The following FOXP2 variants were observed in gnomAD, a reference collection of about 807,000 sequenced individuals.
FOXP2 encodes forkhead box P2.
Under a neutral mutation model 115.8 loss-of-function variants are expected in FOXP2, and 12 were observed. The ratio of observed to expected loss-of-function variants is 0.10; its 90% CI spans 0.07 to 0.17. FOXP2 has a LOEUF of 0.17. Among genes scored for constraint, FOXP2 ranks in the 10% least tolerant of loss-of-function variants. The pLI, the probability that FOXP2 is intolerant of heterozygous loss-of-function variation, is 1.00. For synonymous variants in FOXP2, 328 were observed against 297.7 expected, an observed-to-expected ratio of 1.10 and a Z score of -1.05; for missense variants, 629 against 843.5, an observed-to-expected ratio of 0.75 and a Z score of 3.15.
At chr7:114,337,872 C>G (rs1043311698) in intron 2 of FOXP2, among the ~76,000 whole-genome samples, 1 of 151,160 alleles carries the variant, frequency 6.6e-6, no homozygotes, top group Middle Eastern at 3.5e-3. Flanking sequence ...CAAGGAAGTC[C>G]ACACTCTTTC....
intron 6 of FOXP2, among the ~76,000 whole-genome samples, chr7:114,634,241 C>G (rs1277940722): frequency 6.6e-6 from 1 of 152,114 alleles, no homozygotes; most frequent in African/African-American, 2.4e-5. Flanking sequence ...AGTGATCCGC[C>G]TGCCTCGGCC....
chr7:114,176,980 T>C (rs895309384), intron 1 of FOXP2, among the ~76,000 whole-genome samples: 1 of 152,170 alleles, frequency 6.6e-6, no homozygotes, highest in African/African-American at 2.4e-5. Context: ...GGGCTTTTTT[T>C]CTCAATATTA....
chr7:114,652,145 C>G, intron 8 of FOXP2, 58 bp from the exon 9 acceptor site: 1 of 1,504,648 alleles, frequency 6.6e-7, no homozygotes, highest in Non-Finnish European at 9.2e-7. Context: ...TAAGTGTAGC[C>G]TATGCCACTA....
chr7:114,682,470 C>T (rs963028773), intron 16 of FOXP2, among the ~76,000 whole-genome samples: 2 of 152,008 alleles, frequency 1.3e-5, no homozygotes, highest in Admixed American at 6.6e-5. Context: ...TAAAGGGATT[C>T]TTTTATTTTA....
chr7:114,220,771 T>G (rs1179195331), intron 1 of FOXP2, among the ~76,000 whole-genome samples: 1 of 152,196 alleles, frequency 6.6e-6, no homozygotes, highest in African/African-American at 2.4e-5. Context: ...CTCACTTTAA[T>G]TGAGACAGTC....
chr7:114,280,112 AT>A (rs1311223461), intron 1 of FOXP2, among the ~76,000 whole-genome samples: 1 of 151,578 alleles, frequency 6.6e-6, no homozygotes, highest in African/African-American at 2.4e-5. Context: ...AAATAAATAA[AT>A]AAATAAATAA....
At chr7:114,623,321 A>C (rs1363398873) in intron 3 of FOXP2, among the ~76,000 whole-genome samples, 1 of 151,924 alleles carries the variant, frequency 6.6e-6, no homozygotes, top group Non-Finnish European at 1.5e-5. Context: ...TCAGTTCGTC[A>C]GGATTAGTCA....
intron 1 of FOXP2, among the ~76,000 whole-genome samples, chr7:114,205,655 T>C (rs1348297269): frequency 6.6e-6 from 1 of 152,096 alleles, no homozygotes; most frequent in Admixed American, 6.6e-5. Flanking sequence ...GGGACCATTT[T>C]TGAGATCAAA....
At chr7:114,602,476 G>T (rs1029290749) in intron 3 of FOXP2, among the ~76,000 whole-genome samples, 2 of 151,982 alleles carry the variant, frequency 1.3e-5, no homozygotes, top group Non-Finnish European at 2.9e-5. Flanking sequence ...TGACTTGTAA[G>T]AGCACCTAAA....
chr7:114,176,263 CCTTTCTTTCTTTCTTT>C (rs377227249), intron 1 of FOXP2, among the ~76,000 whole-genome samples: 1 of 123,440 alleles, frequency 8.1e-6, no homozygotes, highest in African/African-American at 3.8e-5. Context: ...TCTCTCTTTC[CCTTTCTTTCTTTCTTT>C]CTTTCTTTCT....
intron 2 of FOXP2, among the ~76,000 whole-genome samples, chr7:114,384,918 G>A (rs904750888): frequency 1.3e-5 from 2 of 151,912 alleles, no homozygotes; most frequent in African/African-American, 4.8e-5. Flanking sequence ...TGACAACAAA[G>A]TGACAATTAT....
chr7:114,669,567 A>G (rs536853249), intron 16 of FOXP2: 1 of 152,170 alleles, frequency 6.6e-6, no homozygotes, highest in South Asian at 2.1e-4. Flanking sequence ...TGAATTAAAA[A>G]TGACTAGCTT....
rs1794627323 is a variant in FOXP2, at chr7:114,221,711, C to T, written c.-102+58623C>T. On this transcript the variant is annotated intron_variant, in intron 1 of 17. Coordinates refer to the FOXP2 transcript ENST00000634411. Reference sequence around the variant, plus strand: ...GTGCTTTTTGCTATATCACTTCTTCCTTTTATCTAATTAAAGCATAATTTG... The same window carrying T: ...GTGCTTTTTGCTATATCACTTCTTCTTTTTATCTAATTAAAGCATAATTTG... 2.0e-5 allele frequency among the ~76,000 whole-genome samples: 3 copies of T among 152,132 alleles called. No individual in the cohort carries two copies. In the South Asian group the frequency reaches 6.2e-4, roughly 31 times the overall value.
chr7:114,596,215 A>G (rs1275703658), intron 3 of FOXP2, among the ~76,000 whole-genome samples: 5 of 152,046 alleles, frequency 3.3e-5, no homozygotes, highest in Non-Finnish European at 5.9e-5. Context: ...CTCCTTATGA[A>G]TAGCTCCATT....
intron 2 of FOXP2, among the ~76,000 whole-genome samples, chr7:114,519,715 G>A (rs1798519189): frequency 6.6e-6 from 1 of 152,036 alleles, no homozygotes; most frequent in Non-Finnish European, 1.5e-5. Flanking sequence ...GCCTTTGAGG[G>A]GGGCAGCAAA....
intron 1 of FOXP2, among the ~76,000 whole-genome samples, chr7:114,148,179 G>C (rs1255496655): frequency 6.6e-6 from 1 of 152,100 alleles, no homozygotes; most frequent in East Asian, 1.9e-4. Context: ...CGGGGATTGG[G>C]GGAAGAATCT....
intron 1 of FOXP2, among the ~76,000 whole-genome samples, chr7:114,174,840 A>G (rs1793245270): frequency 6.6e-6 from 1 of 152,112 alleles, no homozygotes; most frequent in Admixed American, 6.5e-5. Flanking sequence ...TAGAATAGTA[A>G]TTCAACAAAA....
intron 3 of FOXP2, chr7:114,570,922 C>T (rs1372189355): frequency 1.3e-6 from 2 of 1,545,552 alleles, no homozygotes; most frequent in South Asian, 1.1e-5. Flanking sequence ...CTACTAGGCA[C>T]AAGGCCATGG....
At chr7:114,332,112 ACG>A (rs764245459) in intron 2 of FOXP2, among the ~76,000 whole-genome samples, 19 of 150,878 alleles carry the variant, frequency 1.3e-4, no homozygotes, top group East Asian at 1.2e-3. Context: ...GGGCATATGA[ACG>A]TGTGTGTGTG....
Sources: allele counts gnomAD v4.1 joint callset (sites outside exome capture counted in the v4.1 genomes callset), GRCh38; gene constraint gnomAD v4.1.1; transcripts MANE v1.5; gene names NCBI Gene and HGNC (gene_info 2026-07-23, HGNC 2026-07-21).